PEBP4: variants seen among roughly 807,000 people sequenced by gnomAD.
PEBP4 encodes the protein phosphatidylethanolamine binding protein 4, also known as phosphatidylethanolamine-binding protein 4.
A neutral mutation model predicts 23.9 loss-of-function variants in PEBP4; 22 were observed. The observed-to-expected ratio is 0.92, with a 90% confidence interval of 0.66 to 1.31. The LOEUF is 1.31. Ranked by LOEUF, PEBP4 falls within the 40% of genes most tolerant of loss-of-function variation. PEBP4 has a pLI of 0.00. For synonymous variants in PEBP4, 112 were observed against 99.3 expected (o/e 1.13, Z -0.76); for missense variants, 324 against 281.7 (o/e 1.15, Z -1.07).
At chr8:22,832,025 G>C (rs1473953431) in intron 3 of PEBP4, among the ~76,000 whole-genome samples, 1 of 152,134 alleles carries the variant, frequency 6.6e-6, no homozygotes, top group African/African-American at 2.4e-5. Context: ...GAGAATTCCT[G>C]CATGTGATGT....
intron 4 of PEBP4, among the ~76,000 whole-genome samples, chr8:22,805,217 G>C (rs1366983890): frequency 6.6e-6 from 1 of 152,266 alleles, no homozygotes; most frequent in African/African-American, 2.4e-5. Flanking sequence ...ACGTCGTGAT[G>C]CATTTGTCCA....
At chr8:22,809,739 C>T (rs1007906749) in intron 4 of PEBP4, among the ~76,000 whole-genome samples, 1 of 152,218 alleles carries the variant, frequency 6.6e-6, no homozygotes, top group African/African-American at 2.4e-5. Flanking sequence ...TTCTTCCTCT[C>T]CCTCTCTCCT....
At chr8:22,723,566 A>T (rs902410122) in intron 6 of PEBP4, among the ~76,000 whole-genome samples, 5 of 152,204 alleles carry the variant, frequency 3.3e-5, no homozygotes, top group Admixed American at 6.5e-5. Context: ...TCATAGGCTG[A>T]GGTCCCGACA....
At chr8:22,855,793 C>T (rs974096050) in intron 3 of PEBP4, among the ~76,000 whole-genome samples, 4 of 152,046 alleles carry the variant, frequency 2.6e-5, no homozygotes, top group South Asian at 2.1e-4. Context: ...GTAATCCCAG[C>T]ACTTTAGGAG....
chr8:22,827,486 T>C (rs555507052), intron 3 of PEBP4, among the ~76,000 whole-genome samples: 1 of 152,212 alleles, frequency 6.6e-6, no homozygotes, highest in East Asian at 1.9e-4. Context: ...ATAAATGGAG[T>C]CATAATACTT....
At chr8:22,729,117 G>A (rs1804681601) in intron 4 of PEBP4, among the ~76,000 whole-genome samples, 1 of 152,220 alleles carries the variant, frequency 6.6e-6, no homozygotes, top group South Asian at 2.1e-4. Flanking sequence ...CCAAAGGGCT[G>A]TGGCCTGACA....
upstream of PEBP4, among the ~76,000 whole-genome samples, chr8:22,929,641 A>G (rs1324217938): frequency 6.6e-6 from 1 of 152,238 alleles, no homozygotes; most frequent in Non-Finnish European, 1.5e-5. Context: ...GGTCACCAAG[A>G]AGTGGCAGAC....
chr8:22,813,221 A>T (rs559696737), intron 4 of PEBP4, among the ~76,000 whole-genome samples: 1 of 152,374 alleles, frequency 6.6e-6, no homozygotes, highest in South Asian at 2.1e-4. Flanking sequence ...AATTGGTTGC[A>T]TTTACAGTTG....
At chr8:22,887,490 G>A (rs1808406973) in intron 3 of PEBP4, among the ~76,000 whole-genome samples, 1 of 151,970 alleles carries the variant, frequency 6.6e-6, no homozygotes, top group African/African-American at 2.4e-5. Context: ...ATAAGACTGG[G>A]TGTGGTGGTC....
At chr8:22,888,403 C>G (rs1215993085) in intron 3 of PEBP4, among the ~76,000 whole-genome samples, 1 of 152,208 alleles carries the variant, frequency 6.6e-6, no homozygotes, top group Non-Finnish European at 1.5e-5. Context: ...ATCTGCCCAC[C>G]TCGGCCTCCC....
intron 2 of PEBP4, among the ~76,000 whole-genome samples, chr8:22,920,651 G>C (rs1365206260): frequency 2.0e-5 from 3 of 152,120 alleles, no homozygotes; most frequent in Non-Finnish European, 4.4e-5. Context: ...GATATCCTTA[G>C]GCAAACTTAG....
At chr8:22,886,709 C>T (rs1436569418) in intron 3 of PEBP4, 2 of 152,412 alleles carry the variant, frequency 1.3e-5, no homozygotes, top group Admixed American at 6.5e-5. Context: ...TGCCCCGACT[C>T]CTCACACAGC....
At chr8:22,788,775 C>T (rs1196174243) in intron 4 of PEBP4, among the ~76,000 whole-genome samples, 3 of 152,114 alleles carry the variant, frequency 2.0e-5, no homozygotes, top group South Asian at 2.1e-4. Flanking sequence ...TATGCAAAAC[C>T]TTTGACCTCT....
chr8:22,731,349 C>A (rs1804727697), intron 4 of PEBP4, among the ~76,000 whole-genome samples: 1 of 152,170 alleles, frequency 6.6e-6, no homozygotes, highest in East Asian at 1.9e-4. Flanking sequence ...GGATGGAGAC[C>A]TTTATGATGA....
chr8:22,915,791 G>T (rs993581132), intron 3 of PEBP4, among the ~76,000 whole-genome samples: 1 of 152,198 alleles, frequency 6.6e-6, no homozygotes, highest in African/African-American at 2.4e-5. Context: ...GGTGTTGGGA[G>T]CCCCGTGTCC....
intron 4 of PEBP4, among the ~76,000 whole-genome samples, chr8:22,810,709 TGTGTGAGA>T (rs1486301479): frequency 2.0e-3 from 232 of 113,300 alleles, no homozygotes; most frequent in African/African-American, 7.3e-3. Flanking sequence ...TGTGTGTGTG[TGTGTGAGA>T]GAGAGAGAGA....
intron 4 of PEBP4, among the ~76,000 whole-genome samples, chr8:22,742,037 C>T (rs1195333447): frequency 2.0e-5 from 3 of 152,186 alleles, no homozygotes; most frequent in Non-Finnish European, 4.4e-5. Flanking sequence ...CAAAGCCCAC[C>T]GTGCTCTAGG....
intron 6 of PEBP4, among the ~76,000 whole-genome samples, chr8:22,713,952 C>T (rs187884596): frequency 6.6e-6 from 1 of 152,366 alleles, no homozygotes; most frequent in East Asian, 1.9e-4. Flanking sequence ...AGGCTTCACC[C>T]ACTACTTTCC....
At chr8:22,745,036 C>T (rs1805083691) in intron 4 of PEBP4, among the ~76,000 whole-genome samples, 1 of 152,186 alleles carries the variant, frequency 6.6e-6, no homozygotes, top group Non-Finnish European at 1.5e-5. Flanking sequence ...CTTTTGTCTA[C>T]ACCTCAGAAC....
Sources: allele counts gnomAD v4.1 joint callset (sites outside exome capture counted in the v4.1 genomes callset), GRCh38; gene constraint gnomAD v4.1.1; transcripts MANE v1.5; gene names NCBI Gene and HGNC (gene_info 2026-07-23, HGNC 2026-07-21).